MECOM: variants seen among roughly 807,000 people sequenced by gnomAD.
The protein encoded by MECOM is histone-lysine N-methyltransferase MECOM.
In MECOM, 13 loss-of-function variants were observed where a neutral mutation model predicts 116.3. The observed-to-expected ratio is 0.11, with a 90% CI of 0.07 to 0.18. The LOEUF is 0.18. MECOM is among the 10% of genes least tolerant of loss of function. The probability of loss-of-function intolerance (pLI) is 1.00; values close to 1 mark genes in which losing one functional copy is unlikely to be tolerated. For synonymous variants in MECOM, 528 were observed against 535.2 expected, an observed-to-expected ratio of 0.99 and a Z score of 0.19; for missense variants, 1,299 against 1,509.0, an observed-to-expected ratio of 0.86 and a Z score of 2.31.
Position 169,659,072 on chromosome 3 carries a change from CAAAAAA to C in MECOM, c.37+4258_37+4263del, listed in dbSNP as rs199570807. Among the ~76,000 whole-genome samples, 126 of 83,558 alleles carry C rather than the reference CAAAAAA, an allele frequency of 1.5e-3. 1 individual carries two copies. Among genetic ancestry groups the C allele is most frequent in the African/African-American group, 5.4e-3 (117 of 21,680 alleles). The allele number at this position is 83,558 out of a possible 152,430, so 54.8% of individuals were successfully genotyped here. A position where few individuals can be genotyped will look rare whatever the true frequency, so the allele number is the denominator to read the frequency against. On this transcript the variant is annotated intron_variant, in intron 1 of 16. Coordinates refer to ENST00000651503, the MANE Select transcript of MECOM (RefSeq NM_004991.4). ...GCTTACGACTCCTCACCTTCAACTC[CAAAAAA>C]AAAAAAAAAAAAAGAAAGAGAAAGA...
Position 169,290,155 on chromosome 3 carries a change from CA to C in MECOM, c.375+91031del, listed in dbSNP as rs978690103. On this transcript the variant is annotated intron_variant, in intron 2 of 16. Transcript: ENST00000651503. ...TGTCCAAATAAAACAAATCATTTCCCAAAAAAAAATCCCTTAGAAAAGACAA... is the reference window on the plus strand; with the variant it reads ...TGTCCAAATAAAACAAATCATTTCCCAAAAAAAATCCCTTAGAAAAGACAA... Among the ~76,000 whole-genome samples, 8 of 150,252 alleles carry C rather than the reference CA, an allele frequency of 5.3e-5. No homozygotes were observed. The South Asian group carries it at 6.3e-4, about 12-fold the overall frequency.
intron 2 of MECOM, among the ~76,000 whole-genome samples, chr3:169,154,951 C>G (rs1741727827): frequency 6.6e-6 from 1 of 152,108 alleles, no homozygotes. Flanking sequence ...GTGCTTCTCT[C>G]CTGGTTTATA....
intron 2 of MECOM, among the ~76,000 whole-genome samples, chr3:169,373,605 T>C (rs1286856709): frequency 6.6e-6 from 1 of 152,020 alleles, no homozygotes; most frequent in Non-Finnish European, 1.5e-5. Context: ...TAGGCAAATA[T>C]ATTCATGAGA....
At position 169,438,163 on chromosome 3, in the gene MECOM, C is replaced by T. The variant is rs146742328; in HGVS notation, c.38-56639G>A. 5.0e-3 allele frequency among the ~76,000 whole-genome samples: 762 copies of T among 152,316 alleles called. 3 individuals are homozygous for T. The highest frequency in any genetic ancestry group is 7.7e-3 in the Non-Finnish European group (526 of 68,038). On this transcript the variant is annotated intron_variant, in intron 1 of 16. Coordinates refer to ENST00000651503, the MANE Select transcript of MECOM (RefSeq NM_004991.4). ...TGATTGTCTAGCTCTAGAGCCCACG[C>T]GCTTTATCCCTAAACTATACACCTT...
At chr3:169,185,366 A>G (rs1414855221) in intron 2 of MECOM, among the ~76,000 whole-genome samples, 1 of 152,214 alleles carries the variant, frequency 6.6e-6, no homozygotes, top group Non-Finnish European at 1.5e-5. Flanking sequence ...CATAGAGTCC[A>G]AGAGGCAAGA....
chr3:169,288,682 G>A (rs374656481), intron 2 of MECOM, among the ~76,000 whole-genome samples: 4 of 152,104 alleles, frequency 2.6e-5, no homozygotes, highest in Non-Finnish European at 4.4e-5. Context: ...AATCTGCTGC[G>A]TGTGCGTCTG....
chr3:169,570,187 C>T (rs1346920798), intron 1 of MECOM, among the ~76,000 whole-genome samples: 1 of 151,880 alleles, frequency 6.6e-6, no homozygotes, highest in Admixed American at 6.6e-5. Flanking sequence ...AATACAAACT[C>T]CCATCAGAGA....
At chr3:169,579,625 A>G (rs1764886488) in intron 1 of MECOM, among the ~76,000 whole-genome samples, 1 of 152,234 alleles carries the variant, frequency 6.6e-6, no homozygotes, top group African/African-American at 2.4e-5. Flanking sequence ...CCCAGAACCC[A>G]AAGGGTAAGG....
At chr3:169,179,560 T>G (rs2149391679) in intron 2 of MECOM, among the ~76,000 whole-genome samples, 1 of 152,174 alleles carries the variant, frequency 6.6e-6, no homozygotes, top group South Asian at 2.1e-4. Context: ...AATAATAAAA[T>G]CAACACAAAG....
At chr3:169,504,217 A>G (rs1404561134) in intron 1 of MECOM, among the ~76,000 whole-genome samples, 1 of 144,912 alleles carries the variant, frequency 6.9e-6, no homozygotes, top group East Asian at 2.1e-4. Flanking sequence ...TGCACAACCT[A>G]ATGGAGAAGC....
chr3:169,327,639 C>CAAAAAAAAAAA (rs771134017), intron 2 of MECOM, among the ~76,000 whole-genome samples: 2 of 69,528 alleles, frequency 2.9e-5, no homozygotes, highest in Non-Finnish European at 2.8e-5. Context: ...GACTGTGTCT[C>CAAAAAAAAAAA]AAAAAAAAAA....
chr3:169,512,062 A>G (rs1756038298), intron 1 of MECOM, among the ~76,000 whole-genome samples: 1 of 152,174 alleles, frequency 6.6e-6, no homozygotes, highest in Admixed American at 6.5e-5. Context: ...CTTCCACAGT[A>G]TTGAGGCTTG....
intron 2 of MECOM, among the ~76,000 whole-genome samples, chr3:169,226,251 T>C (rs1040732114): frequency 1.3e-5 from 2 of 152,150 alleles, no homozygotes; most frequent in Non-Finnish European, 2.9e-5. Flanking sequence ...AACACTACTG[T>C]TAGTCTTCAT....
intron 1 of MECOM, among the ~76,000 whole-genome samples, chr3:169,594,196 C>G (rs561043998): frequency 1.1e-4 from 16 of 145,694 alleles, no homozygotes; most frequent in African/African-American, 3.6e-4. Context: ...ACCTAAGTAC[C>G]TCAAGGCCCT....
rs116060588 is a variant in MECOM at position 169,452,162 on chromosome 3, T to C, written c.38-70638A>G. 1.6e-3 allele frequency among the ~76,000 whole-genome samples: 246 copies of C among 152,040 alleles called. 2 individuals carry two copies. Among genetic ancestry groups the C allele is most frequent in the African/African-American group, 5.1e-3 (212 of 41,490 alleles). On this transcript the variant is annotated intron_variant, in intron 1 of 16. Transcript: ENST00000651503. The stretch of plus-strand genomic sequence containing the variant: ...TCAGATGCTTTGGTAAGCCGGGTCA[T>C]CACTACTCACGGCCGATGCCCAACT...
chr3:169,151,427 A>G (rs1741154041), intron 2 of MECOM, among the ~76,000 whole-genome samples: 1 of 152,184 alleles, frequency 6.6e-6, no homozygotes, highest in Non-Finnish European at 1.5e-5. Flanking sequence ...AATTCCCTTA[A>G]TTCTGCAGCT....
At chr3:169,263,520 GCA>G (rs3077288) in intron 2 of MECOM, among the ~76,000 whole-genome samples, 3,444 of 146,166 alleles carry the variant, frequency 0.024, 81 homozygotes, top group African/African-American at 0.059. Context: ...CAGAGCACTT[GCA>G]CACACACACA....
chr3:169,469,054 A>G (rs1748764490), intron 1 of MECOM, among the ~76,000 whole-genome samples: 1 of 152,234 alleles, frequency 6.6e-6, no homozygotes, highest in African/African-American at 2.4e-5. Flanking sequence ...ATATTCTAAT[A>G]GTAAAGATGG....
chr3:169,525,934 C>T (rs1433683127), intron 1 of MECOM, among the ~76,000 whole-genome samples: 1 of 151,990 alleles, frequency 6.6e-6, no homozygotes, highest in Non-Finnish European at 1.5e-5. Context: ...GAGGCTGAGG[C>T]AGGAGAATCG....
Sources: allele counts gnomAD v4.1 joint callset (sites outside exome capture counted in the v4.1 genomes callset), GRCh38; gene constraint gnomAD v4.1.1; transcripts MANE v1.5; gene names NCBI Gene and HGNC (gene_info 2026-07-23, HGNC 2026-07-21).